CSPP1: variants seen among roughly 807,000 people sequenced by gnomAD.
CSPP1 encodes the protein centrosome and spindle pole-associated protein 1.
Under a neutral mutation model 164.4 loss-of-function variants are expected in CSPP1, and 126 were observed. That is an observed-to-expected ratio of 0.77 (90% CI 0.66 to 0.89). CSPP1 has a LOEUF of 0.89. CSPP1 is among the 40% of genes least tolerant of loss of function. The probability of loss-of-function intolerance (pLI) is 0.00; values close to 1 mark genes in which losing one functional copy is unlikely to be tolerated. For synonymous variants in CSPP1, 472 were observed against 476.7 expected (o/e 0.99, Z 0.13); for missense variants, 1,395 against 1,449.8 (o/e 0.96, Z 0.61).
intron 18 of CSPP1, among the ~76,000 whole-genome samples, chr8:67,150,168 C>T (rs2129558095): frequency 6.6e-6 from 1 of 152,158 alleles, no homozygotes; most frequent in East Asian, 1.9e-4. Context: ...TTGTAACTTG[C>T]TGTGTATCCT....
At chr8:67,069,849 G>A (rs748977347) in intron 1 of CSPP1, among the ~76,000 whole-genome samples, 3 of 151,650 alleles carry the variant, frequency 2.0e-5, no homozygotes, top group East Asian at 2.0e-4. Flanking sequence ...TAGTAGAGAC[G>A]GGGTTTCGCC....
intron 15 of CSPP1, 106 bp downstream of exon 15, chr8:67,118,927 G>T (rs1470353028): frequency 1.4e-6 from 1 of 719,374 alleles, no homozygotes; most frequent in Non-Finnish European, 2.4e-6. Flanking sequence ...CTATTTAGTG[G>T]TATTTAATAT....
At position 67,195,669 on chromosome 8, in the gene CSPP1, C is replaced by A; in HGVS notation, c.*76C>A. On this transcript the variant is annotated 3_prime_UTR_variant, in exon 31 of 31. Coordinates refer to ENST00000678616, the MANE Select transcript of CSPP1 (RefSeq NM_001382391.1). ...AAATCTGTACCTTTAATATGTCCTA[C>A]TTTTGGCCCCTACCTGAAAGTTACT... 7.9e-7 allele frequency: 1 copy of A among 1,272,562 alleles called. No homozygotes were observed. Among genetic ancestry groups the A allele is most frequent in the Non-Finnish European group, 1.1e-6 (1 of 900,010 alleles). The allele number at this position is 1,272,562 out of a possible 1,614,324, so 78.8% of individuals were successfully genotyped here.
intron 3 of CSPP1, 56 bp from the exon 4 acceptor site, chr8:67,085,951 A>G: frequency 1.3e-6 from 1 of 792,610 alleles, no homozygotes; most frequent in Non-Finnish European, 2.3e-6. Context: ...TACAGGAAGT[A>G]GAACTTTGAG....
intron 7 of CSPP1, among the ~76,000 whole-genome samples, chr8:67,101,115 T>C (rs540334844): frequency 2.6e-5 from 4 of 152,276 alleles, no homozygotes; most frequent in Non-Finnish European, 1.5e-5. Flanking sequence ...TCCTCCAGCA[T>C]TGAATTGTAA....
intron 4 of CSPP1, among the ~76,000 whole-genome samples, chr8:67,089,815 CAG>C (rs1811242573): frequency 6.7e-6 from 1 of 149,346 alleles, no homozygotes; most frequent in African/African-American, 2.5e-5. Context: ...TTGGTAGAGA[CAG>C]GGTAATAAAA....
chr8:67,195,318 C>A, intron 30 of CSPP1, 64 bp from the exon 31 acceptor site: 1 of 966,142 alleles, frequency 1.0e-6, no homozygotes, highest in South Asian at 1.3e-5. Context: ...TACAAGAGAC[C>A]TGCGCTTATG....
chr8:67,175,458 G>A (rs1563757087), intron 26 of CSPP1, 22 bp downstream of exon 26: 1 of 1,613,444 alleles, frequency 6.2e-7, no homozygotes, highest in Non-Finnish European at 8.5e-7. Context: ...TCATTGCTGT[G>A]TCAAATAGTA....
At chr8:67,088,854 G>C (rs1367117720) in intron 4 of CSPP1, among the ~76,000 whole-genome samples, 17 of 149,724 alleles carry the variant, frequency 1.1e-4, no homozygotes, top group Non-Finnish European at 2.5e-4. Flanking sequence ...CCGAGATCGC[G>C]CCACTGCACT....
chr8:67,189,919 C>G (rs1835750391), intron 28 of CSPP1, among the ~76,000 whole-genome samples: 1 of 152,052 alleles, frequency 6.6e-6, no homozygotes. Flanking sequence ...AGCTACCGAT[C>G]CACTAGAATG....
chr8:67,164,703 C>T (rs569991778), intron 24 of CSPP1, among the ~76,000 whole-genome samples, 195 bp downstream of exon 24: 4 of 152,206 alleles, frequency 2.6e-5, no homozygotes, highest in South Asian at 2.1e-4. Flanking sequence ...TGGAAATTTC[C>T]GGGTTGGAAT....
chr8:67,100,704 C>G (rs539199395), intron 7 of CSPP1, among the ~76,000 whole-genome samples: 2 of 151,136 alleles, frequency 1.3e-5, no homozygotes, highest in South Asian at 4.1e-4. Flanking sequence ...TTTAGCCTCC[C>G]AAGTAGCTGG....
intron 19 of CSPP1, 74 bp from the exon 20 acceptor site, chr8:67,158,373 A>C: frequency 7.1e-7 from 1 of 1,413,706 alleles, no homozygotes; most frequent in Non-Finnish European, 9.5e-7. Context: ...TTTATATACT[A>C]TCAGGAAAAA....
At chr8:67,183,714 A>G (rs962542047) in intron 28 of CSPP1, among the ~76,000 whole-genome samples, 1 of 152,168 alleles carries the variant, frequency 6.6e-6, no homozygotes, top group Admixed American at 6.5e-5. Flanking sequence ...GCCAAACTCT[A>G]AAACTCACAG....
chr8:67,146,761 A>T (rs1489108399), intron 17 of CSPP1, among the ~76,000 whole-genome samples: 2 of 152,272 alleles, frequency 1.3e-5, no homozygotes, highest in East Asian at 3.9e-4. Flanking sequence ...ATTAAAATTA[A>T]TTTTTTTATA....
At chr8:67,159,891 TC>T (rs1224792380) in intron 21 of CSPP1, among the ~76,000 whole-genome samples, 4 of 68,118 alleles carry the variant, frequency 5.9e-5, no homozygotes, top group African/African-American at 2.8e-4. Context: ...TTTCTTTCTT[TC>T]TTTCTTTCTT....
At chr8:67,130,367 A>G (rs1411604060) in intron 15 of CSPP1, among the ~76,000 whole-genome samples, 1 of 152,208 alleles carries the variant, frequency 6.6e-6, no homozygotes, top group Non-Finnish European at 1.5e-5. Flanking sequence ...TCATGAGTGA[A>G]ATAGATATTG....
rs1823852123 is a variant in CSPP1, at chr8:67,143,212, T to A, written c.1975+5609T>A. Among the ~76,000 whole-genome samples the A allele has an allele frequency of 3.3e-5, 5 of 152,188 alleles. No individual in the cohort carries two copies. The South Asian group carries it at 1.0e-3, about 32-fold the overall frequency. On this transcript the variant is annotated intron_variant, in intron 17 of 30. Coordinates refer to ENST00000678616, the MANE Select transcript of CSPP1 (RefSeq NM_001382391.1). ...AGTCTTTCTGTCTCTCTCTGTTCCA[T>A]TGCTCTATATTTCTATCCTTTTGCC...
intron 21 of CSPP1, among the ~76,000 whole-genome samples, chr8:67,160,121 A>T (rs1828036443): frequency 6.9e-6 from 1 of 144,826 alleles, no homozygotes; most frequent in Non-Finnish European, 1.5e-5. Context: ...GGCTCAAGTT[A>T]TCCTCCTGCC....
Sources: allele counts gnomAD v4.1 joint callset (sites outside exome capture counted in the v4.1 genomes callset), GRCh38; gene constraint gnomAD v4.1.1; transcripts MANE v1.5; gene names NCBI Gene and HGNC (gene_info 2026-07-23, HGNC 2026-07-21).